The following DACH2 variants were observed in gnomAD, a reference collection of about 807,000 sequenced individuals.
The protein encoded by DACH2 is dachshund family transcription factor 2, also known as dachshund homolog 2.
A neutral mutation model predicts 35.8 loss-of-function variants in DACH2; 17 were observed. The observed-to-expected ratio is 0.48, with a 90% confidence interval of 0.33 to 0.71. The LOEUF is 0.71. Ranked by LOEUF, DACH2 falls within the 30% of genes least tolerant of loss-of-function variation. The pLI, the probability that DACH2 is intolerant of heterozygous loss-of-function variation, is 0.02. For synonymous variants in DACH2, 195 were observed against 177.3 expected, an observed-to-expected ratio of 1.10 and a Z score of -0.79; for missense variants, 469 against 472.7, an observed-to-expected ratio of 0.99 and a Z score of 0.07.
intron 3 of DACH2, among the ~76,000 whole-genome samples, chrX:86,562,802 A>C (rs1040551393): frequency 4.5e-5 from 5 of 111,562 alleles, no homozygotes; most frequent in African/African-American, 1.6e-4. Context: ...ATTATTTCTA[A>C]TGACTACATG....
chrX:86,761,468 C>T (rs2041881478), intron 7 of DACH2, among the ~76,000 whole-genome samples: 1 of 111,437 alleles, frequency 9.0e-6, no homozygotes, highest in African/African-American at 3.3e-5. Context: ...ATTAGTTCAA[C>T]CATTGTGGAA....
At chrX:86,690,881 C>T (rs956396526) in intron 4 of DACH2, among the ~76,000 whole-genome samples, 2 of 111,629 alleles carry the variant, frequency 1.8e-5, no homozygotes, top group Non-Finnish European at 3.8e-5. Context: ...GTGTTACACT[C>T]TTTATTGTCA....
At chrX:86,665,743 G>A (rs2040660186) in intron 4 of DACH2, among the ~76,000 whole-genome samples, 1 of 98,227 alleles carries the variant, frequency 1.0e-5, no homozygotes, top group African/African-American at 3.8e-5. Flanking sequence ...TTGCTGATGA[G>A]GGTTCAATTT....
At chrX:86,586,650 T>A (rs1448554562) in intron 3 of DACH2, among the ~76,000 whole-genome samples, 1 of 111,842 alleles carries the variant, frequency 8.9e-6, no homozygotes, top group South Asian at 3.7e-4. Context: ...GTGACTAGAC[T>A]GTTATCCTGG....
At chrX:86,232,392 A>G (rs1485029390) in intron 1 of DACH2, among the ~76,000 whole-genome samples, 1 of 112,094 alleles carries the variant, frequency 8.9e-6, no homozygotes, top group Non-Finnish European at 1.9e-5. Flanking sequence ...AAAAGAAACC[A>G]TCAACAAAGT....
chrX:86,363,756 T>C (rs1434723684), intron 1 of DACH2, among the ~76,000 whole-genome samples: 2 of 111,512 alleles, frequency 1.8e-5, no homozygotes, highest in Non-Finnish European at 3.8e-5. Context: ...GGAACACATA[T>C]ATATTTGTAT....
At chrX:86,804,981 C>A (rs1404341001) in intron 7 of DACH2, among the ~76,000 whole-genome samples, 1 of 112,168 alleles carries the variant, frequency 8.9e-6, no homozygotes, top group African/African-American at 3.2e-5. Flanking sequence ...GTTGGTGAAT[C>A]CATAAGTCTG....
chrX:86,442,260 T>G (rs2037176159), intron 2 of DACH2, among the ~76,000 whole-genome samples: 1 of 105,957 alleles, frequency 9.4e-6, no homozygotes, highest in African/African-American at 3.5e-5. Context: ...TGGTGAATGA[T>G]GCAGAACATT....
chrX:86,697,241 G>A (rs1384911352), intron 5 of DACH2, among the ~76,000 whole-genome samples: 2 of 111,470 alleles, frequency 1.8e-5, no homozygotes, highest in South Asian at 3.7e-4. Flanking sequence ...AACAAAGGGG[G>A]ATTACAGCTT....
chrX:86,750,187 G>A (rs2041757823), intron 7 of DACH2, among the ~76,000 whole-genome samples: 1 of 111,230 alleles, frequency 9.0e-6, no homozygotes. Context: ...CAAGAGGAAA[G>A]CTTTCAGTTT....
intron 1 of DACH2, among the ~76,000 whole-genome samples, chrX:86,255,860 GAA>G (rs978330888): frequency 4.5e-5 from 5 of 111,183 alleles, no homozygotes; most frequent in Admixed American, 1.9e-4. Flanking sequence ...AAAATTAAAG[GAA>G]ACACACATAA....
chrX:86,476,458 C>G (rs1426721120), intron 2 of DACH2, among the ~76,000 whole-genome samples: 1 of 111,821 alleles, frequency 8.9e-6, no homozygotes, highest in Non-Finnish European at 1.9e-5. Flanking sequence ...ATAGTAGTCA[C>G]TAATCCTTTG....
intron 7 of DACH2, among the ~76,000 whole-genome samples, chrX:86,756,553 A>G (rs1460882663): frequency 4.7e-5 from 5 of 106,749 alleles, no homozygotes; most frequent in South Asian, 8.1e-4. Flanking sequence ...TCTTTATTGT[A>G]TAGAAATGCT....
intron 1 of DACH2, among the ~76,000 whole-genome samples, chrX:86,265,723 A>G (rs1170582534): frequency 1.8e-5 from 2 of 111,874 alleles, no homozygotes; most frequent in Admixed American, 9.5e-5. Flanking sequence ...AAAAAGAGAT[A>G]TATTTTATTG....
chrX:86,214,182 A>G (rs1012949664), intron 1 of DACH2, among the ~76,000 whole-genome samples: 1 of 110,992 alleles, frequency 9.0e-6, no homozygotes, highest in Non-Finnish European at 1.9e-5. Flanking sequence ...TATCTTTCAC[A>G]TTGCTTATAG....
intron 7 of DACH2, among the ~76,000 whole-genome samples, chrX:86,799,615 T>A (rs1434229069): frequency 3.6e-5 from 4 of 112,245 alleles, no homozygotes; most frequent in Non-Finnish European, 7.5e-5. Context: ...ACTTTAGAGC[T>A]AATCTGAGAG....
At chrX:86,440,584 T>C (rs1194702505) in intron 2 of DACH2, among the ~76,000 whole-genome samples, 1 of 111,722 alleles carries the variant, frequency 9.0e-6, no homozygotes, top group African/African-American at 3.2e-5. Flanking sequence ...TCTTCTTTAA[T>C]TGATGTATCT....
At chrX:86,418,372 C>T (rs889133108) in intron 2 of DACH2, among the ~76,000 whole-genome samples, 4 of 112,163 alleles carry the variant, frequency 3.6e-5, no homozygotes, top group Non-Finnish European at 7.5e-5. Context: ...CCATGAGAAC[C>T]CTTTCCCTGC....
Position 86,646,574 on chromosome X carries a change from C to G in DACH2, c.641-4462C>G, listed in dbSNP as rs148874950. ...TATGACACCAAAAGCATGGGTAACA[C>G]AAGCAAACATGAAGTGGTACTATAT... is the stretch of plus-strand genomic sequence containing the variant. On this transcript the variant is annotated intron_variant, in intron 3 of 11. Transcript: ENST00000373125. 4.4e-3 allele frequency among the ~76,000 whole-genome samples: 486 copies of G among 110,029 alleles called. 2 individuals carry two copies. The highest frequency in any genetic ancestry group is 0.014 in the African/African-American group (430 of 30,436).
Sources: gnomAD v4.1 joint callset for allele counts (sites outside exome capture counted in the v4.1 genomes callset) on GRCh38, gnomAD v4.1.1 for gene constraint, MANE v1.5 for transcripts, NCBI Gene and HGNC (gene_info 2026-07-23, HGNC 2026-07-21) for gene names.